The following LRP5 variants were observed in gnomAD, a reference collection of about 807,000 sequenced individuals.
LRP5 encodes low-density lipoprotein receptor-related protein 5.
LRP5 carries 62 observed loss-of-function variants against 154.1 expected under a neutral mutation model. The observed-to-expected ratio is 0.40, with a 90% CI of 0.33 to 0.50. The LOEUF is 0.50. Among genes scored for constraint, LRP5 ranks in the 20% least tolerant of loss-of-function variants. The pLI is 0.55. For missense variants in LRP5, 1,915 were observed against 2,336.7 expected (o/e 0.82, Z 3.72); for synonymous variants, 966 against 1,011.5 (o/e 0.96, Z 0.85).
intron 7 of LRP5, among the ~76,000 whole-genome samples, chr11:68,393,203 T>C (rs1020114450): frequency 5.9e-5 from 9 of 152,142 alleles, no homozygotes; most frequent in Admixed American, 5.9e-4. Flanking sequence ...CACAGCACAT[T>C]TTGTTTGTCT....
chr11:68,397,239 T>C (rs901064137), intron 7 of LRP5, among the ~76,000 whole-genome samples: 1 of 152,074 alleles, frequency 6.6e-6, no homozygotes, highest in African/African-American at 2.4e-5. Flanking sequence ...CCTGCCCTTC[T>C]CCCCTCTACC....
At chr11:68,434,350 TTTCATTCA>T (rs3138551) in intron 18 of LRP5, among the ~76,000 whole-genome samples, 29,031 of 143,240 alleles carry the variant, frequency 0.2, 3,068 homozygotes, top group Admixed American at 0.33. Context: ...GTGAGTTTTC[TTTCATTCA>T]TTCATTCATT....
At chr11:68,379,869 C>T (rs1309589058) in intron 5 of LRP5, among the ~76,000 whole-genome samples, 1 of 152,200 alleles carries the variant, frequency 6.6e-6, no homozygotes, top group Non-Finnish European at 1.5e-5. Context: ...TGGTGGCTCA[C>T]GCCTGTAATC....
At chr11:68,428,591 C>T (rs2098670167) in intron 16 of LRP5, among the ~76,000 whole-genome samples, 1 of 151,834 alleles carries the variant, frequency 6.6e-6, no homozygotes, top group African/African-American at 2.4e-5. Context: ...ACCTCTTCTT[C>T]TTGTCTGTGT....
intron 8 of LRP5, 183 bp downstream of exon 8, chr11:68,403,882 G>GA: frequency 1.5e-6 from 1 of 657,894 alleles, no homozygotes; most frequent in East Asian, 2.7e-5. Context: ...GCTGATTAGG[G>GA]AGTGGTTATG....
chr11:68,307,407 A>G, the LRP5 span, among the ~76,000 whole-genome samples: 2 of 152,156 alleles, frequency 1.3e-5, no homozygotes, highest in African/African-American at 4.8e-5. Context: ...GCTCATACCT[A>G]TAATCCTAGC....
At chr11:68,382,388 C>T (rs1469744432) in intron 5 of LRP5, among the ~76,000 whole-genome samples, 1 of 152,210 alleles carries the variant, frequency 6.6e-6, no homozygotes, top group East Asian at 1.9e-4. Flanking sequence ...TGACAGCTAC[C>T]TAAATCCCAG....
chr11:68,375,918 A>G (rs891769461), intron 5 of LRP5, among the ~76,000 whole-genome samples: 1 of 152,134 alleles, frequency 6.6e-6, no homozygotes. Context: ...AGGATGCATA[A>G]GTTGTAGAGT....
At chr11:68,430,362 C>T (rs200942924) in intron 17 of LRP5, among the ~76,000 whole-genome samples, 7 of 152,192 alleles carry the variant, frequency 4.6e-5, no homozygotes, top group South Asian at 4.2e-4. Context: ...TTAGTAGAGA[C>T]GGGGTTTCAC....
In LRP5 at chr11:68,363,916, G is replaced by A; in HGVS notation, c.856G>A (p.Val286Met). The A allele has an allele frequency of 6.2e-7, 1 of 1,611,676 alleles. No individual in the cohort carries two copies. Among genetic ancestry groups the A allele is most frequent in the Non-Finnish European group, 8.5e-7 (1 of 1,179,224 alleles). ...SALYSPMDIQ[V>M]LSQERQPFFH... is the part of the protein sequence containing the mutation. The stretch of plus-strand genomic sequence containing the variant: ...CCTCTACTCACCCATGGACATCCAG[G>A]TGCTGAGCCAGGAGCGGCAGCCTTT... The change falls in exon 4 of 23, where the codon GTG becomes ATG. Residue 286 changes from valine to methionine, a missense_variant. Around this residue, in one of 3 missense-constraint regions of LRP5, gnomAD observed 773 missense variants for 1,100.9 expected, o/e 0.70. Transcript: ENST00000294304.
At position 68,436,935 on chromosome 11, in the gene LRP5, C is replaced by T. The variant is rs1365954086; in HGVS notation, c.4047C>T (p.Val1349=). The part of the protein sequence containing the change: ...NQFRCASGQC[V]LIKQQCDSFP... Reference sequence around the variant, plus strand: ...TCCGGTGTGCGAGCGGCCAGTGTGTCCTCATCAAACAGCAGTGCGACTCCT... The same window carrying T: ...TCCGGTGTGCGAGCGGCCAGTGTGTTCTCATCAAACAGCAGTGCGACTCCT... Residue 1349 remains valine (V), a synonymous_variant, in exon 19 of 23, where the codon GTC becomes GTT. Transcript: ENST00000294304. The T allele has an allele frequency of 1.9e-6, 3 of 1,613,856 alleles. No homozygotes were observed. Among genetic ancestry groups the T allele is most frequent in the South Asian group, 1.1e-5 (1 of 91,096 alleles).
At chr11:68,335,595 A>T (rs1565325068) in intron 1 of LRP5, among the ~76,000 whole-genome samples, 1 of 152,070 alleles carries the variant, frequency 6.6e-6, no homozygotes, top group Non-Finnish European at 1.5e-5. Context: ...TATATTGTTG[A>T]TTCATTAACA....
upstream of LRP5, among the ~76,000 whole-genome samples, chr11:68,310,734 C>A (rs1397992697): frequency 7.1e-6 from 1 of 140,416 alleles, no homozygotes; most frequent in Admixed American, 7.5e-5. Flanking sequence ...CAGCCTGGGC[C>A]ACAGAGTGAG....
At chr11:68,345,258 G>A (rs540322023) in intron 1 of LRP5, among the ~76,000 whole-genome samples, 1 of 151,962 alleles carries the variant, frequency 6.6e-6, no homozygotes, top group Non-Finnish European at 1.5e-5. Flanking sequence ...GGACGCTTGG[G>A]TTGCTTCCAT....
intron 6 of LRP5, among the ~76,000 whole-genome samples, chr11:68,387,659 G>A (rs1283939128): frequency 6.6e-6 from 1 of 152,234 alleles, no homozygotes. Flanking sequence ...CCGCCCCAGC[G>A]GCTCAGAGGG....
chr11:68,374,854 G>A (rs1394746601), intron 5 of LRP5, among the ~76,000 whole-genome samples: 1 of 152,198 alleles, frequency 6.6e-6, no homozygotes, highest in Non-Finnish European at 1.5e-5. Context: ...CCTGGAGAAC[G>A]CTGTCACCGT....
chr11:68,302,627 G>A, the LRP5 span, among the ~76,000 whole-genome samples: 39,215 of 152,094 alleles, frequency 0.26, 5,663 homozygotes, highest in South Asian at 0.56. Flanking sequence ...TGGGTGAGGC[G>A]GGAAGGAGAG....
At chr11:68,313,227 C>T (rs1328362574) in intron 1 of LRP5, among the ~76,000 whole-genome samples, 1 of 151,402 alleles carries the variant, frequency 6.6e-6, no homozygotes, top group Non-Finnish European at 1.5e-5. Flanking sequence ...AGCGGCCGCG[C>T]GGCCGCCCCG....
chr11:68,425,262 C>G lies in LRP5; in HGVS notation c.3397C>G (p.Leu1133Val). The change falls in exon 15 of 23, where the codon CTG becomes GTG. Residue 1133 changes from leucine to valine, a missense_variant. Leu to Val is a conservative substitution (Grantham distance 32, BLOSUM62 1). Coordinates refer to ENST00000294304, the MANE Select transcript of LRP5 (RefSeq NM_002335.4). ...LGKLFWVDADLKRIESCDLSG... is the reference protein window; with the variant it reads ...LGKLFWVDADVKRIESCDLSG... ...CAAGCTGTTCTGGGTGGACGCGGAC[C>G]TGAAGCGCATTGAGAGCTGTGACCT... 6.2e-7 allele frequency: 1 copy of G among 1,610,700 alleles called. No individual in the cohort carries two copies. The highest frequency in any genetic ancestry group is 8.5e-7 in the Non-Finnish European group (1 of 1,179,976).
Sources: gnomAD v4.1 joint callset for allele counts (sites outside exome capture counted in the v4.1 genomes callset) on GRCh38, gnomAD v4.1.1 for gene constraint, gnomAD v4.1.1 regional missense constraint, MANE v1.5 for transcripts, NCBI Gene and HGNC (gene_info 2026-07-23, HGNC 2026-07-21) for gene names.